The following C19orf47 variants were observed in gnomAD, a reference collection of about 807,000 sequenced individuals.
C19orf47 encodes chromosome 19 open reading frame 47, also known as uncharacterized protein C19orf47.
A neutral mutation model predicts 32.3 loss-of-function variants in C19orf47; 18 were observed. The ratio of observed to expected loss-of-function variants is 0.56; its 90% CI spans 0.39 to 0.83. The LOEUF (loss-of-function observed/expected upper bound fraction) is 0.83, where lower values mean the gene tolerates loss of function less well. Among genes scored for constraint, C19orf47 ranks in the 40% least tolerant of loss-of-function variants. The pLI is 0.00. For missense variants in C19orf47, 484 were observed against 531.6 expected (o/e 0.91, Z 0.88); for synonymous variants, 202 against 211.1 (o/e 0.96, Z 0.37).
chr19:40,341,708 G>T, intron 2 of C19orf47, 131 bp downstream of exon 2: 1 of 1,328,822 alleles, frequency 7.5e-7, no homozygotes, highest in Non-Finnish European at 1.0e-6. Flanking sequence ...ACCCTGCCAC[G>T]GTCCTCAGAG....
At position 40,333,885 on chromosome 19, in the gene C19orf47, G is replaced by T. The variant is rs374541577; in HGVS notation, c.267C>A (p.Ser89Arg). 3.7e-5 allele frequency: 58 copies of T among 1,580,480 alleles called. No individual in the cohort carries two copies. Among genetic ancestry groups the T allele is most frequent in the Non-Finnish European group, 4.8e-5 (56 of 1,161,836 alleles). ...AATESVPCSP[S>R]PLAGEIRRGT... Reference sequence around the variant, plus strand: ...CACGGCGAATTTCGCCTGCAAGGGGGCTAGGGCTGCAGGGTACTGACTCAG... The same window carrying T: ...CACGGCGAATTTCGCCTGCAAGGGGTCTAGGGCTGCAGGGTACTGACTCAG... Residue 89 changes from serine (S) to arginine (R), a missense_variant, in exon 5 of 9, where the codon AGC becomes AGA. By Grantham distance (110) the Ser-to-Arg change is moderately radical. Transcript: ENST00000683109.
At chr19:40,345,536 TAAAAA>T (rs55954294) in intron 1 of C19orf47, among the ~76,000 whole-genome samples, 16,229 of 110,798 alleles carry the variant, frequency 0.15, 1,145 homozygotes, top group African/African-American at 0.15. Flanking sequence ...CTGTCACTGT[TAAAAA>T]AAAAAAAAAA....
At chr19:40,309,686 CAA>C in the C19orf47 span, among the ~76,000 whole-genome samples, 68 of 136,568 alleles carry the variant, frequency 5.0e-4, no homozygotes, top group African/African-American at 5.2e-4. Context: ...GACCTTATCT[CAA>C]AAAAAAAAAA....
At chr19:40,300,280 C>A in the C19orf47 span, among the ~76,000 whole-genome samples, 1 of 151,802 alleles carries the variant, frequency 6.6e-6, no homozygotes, top group African/African-American at 2.4e-5. Flanking sequence ...GCCTAGCCAA[C>A]ACAATGAAAC....
chr19:40,316,080 CA>C (rs1346759781), downstream of C19orf47, among the ~76,000 whole-genome samples: 1 of 152,084 alleles, frequency 6.6e-6, no homozygotes, highest in East Asian at 1.9e-4. Flanking sequence ...AGGACCCCGA[CA>C]GGCCTTCAAA....
At chr19:40,314,109 G>C in the C19orf47 span, among the ~76,000 whole-genome samples, 2 of 152,060 alleles carry the variant, frequency 1.3e-5, no homozygotes, top group Admixed American at 6.6e-5. Context: ...AGCATCTCTA[G>C]AGCCTGAAAG....
the C19orf47 span, among the ~76,000 whole-genome samples, chr19:40,298,316 A>G: frequency 1.6e-4 from 25 of 151,850 alleles, no homozygotes; most frequent in East Asian, 9.6e-4. Flanking sequence ...AAAAAAAAAA[A>G]AAAGAAAAAA....
At chr19:40,326,195 T>C in intron 7 of C19orf47, 139 bp downstream of exon 7, 9 of 1,195,924 alleles carry the variant, frequency 7.5e-6, no homozygotes, top group Non-Finnish European at 1.0e-5. Context: ...CCACCATCAC[T>C]GTCCCCTTGG....
At chr19:40,335,899 G>A (rs533628105) in intron 4 of C19orf47, among the ~76,000 whole-genome samples, 34 of 152,284 alleles carry the variant, frequency 2.2e-4, no homozygotes, top group Middle Eastern at 6.8e-3. Flanking sequence ...GTGAGCCACC[G>A]CACCCGGCCA....
At chr19:40,313,481 C>T in the C19orf47 span, among the ~76,000 whole-genome samples, 3 of 152,166 alleles carry the variant, frequency 2.0e-5, no homozygotes, top group Non-Finnish European at 2.9e-5. Context: ...TGCGCCACCA[C>T]GCCGAGCTAA....
At position 40,322,339 on chromosome 19, in the gene C19orf47, T is replaced by C. The variant is rs1413069894; in HGVS notation, c.701A>G (p.Glu234Gly). ...GTCCCAAGCCAGATCCTCGTCCGTT[T>C]CTGGGGTGGCCCCCAGGCGGCTGAA... ...GVFSRLGATP[E>G]TDEDLAWDSD... Residue 234 changes from glutamate to glycine, a missense_variant, in exon 9 of 9, where the codon GAA becomes GGA. Glu to Gly is a moderately conservative substitution (Grantham distance 98, BLOSUM62 -2). Transcript: ENST00000683109. The C allele has an allele frequency of 6.3e-7, 1 of 1,599,934 alleles. No homozygotes were observed. Among genetic ancestry groups the C allele is most frequent in the Non-Finnish European group, 8.5e-7 (1 of 1,171,468 alleles).
At chr19:40,322,493 A>G in intron 8 of C19orf47, 117 bp from the exon 9 acceptor site, 2 of 1,244,908 alleles carry the variant, frequency 1.6e-6, no homozygotes, top group Non-Finnish European at 2.2e-6. Context: ...AACACCCATC[A>G]CTGACACCCC....
At chr19:40,316,007 AAAAG>A (rs1049411106), downstream of C19orf47, among the ~76,000 whole-genome samples, 28 of 152,190 alleles carry the variant, frequency 1.8e-4, no homozygotes, top group Non-Finnish European at 3.7e-4. Flanking sequence ...TACAAAAAAA[AAAAG>A]AGAGAGAGAG....
At chr19:40,333,792 C>T (rs1433282313) in intron 5 of C19orf47, 59 bp downstream of exon 5, 1 of 1,370,104 alleles carries the variant, frequency 7.3e-7, no homozygotes. Context: ...CCAGACGTGT[C>T]CCCTTCACTG....
At chr19:40,346,501 A>C (rs1328206959) in intron 1 of C19orf47, among the ~76,000 whole-genome samples, 1 of 147,922 alleles carries the variant, frequency 6.8e-6, no homozygotes, top group African/African-American at 2.5e-5. Flanking sequence ...AAAATAAAAA[A>C]ACACCATCTT....
the C19orf47 span, among the ~76,000 whole-genome samples, chr19:40,300,870 G>A: frequency 0.012 from 1,895 of 152,246 alleles, 38 homozygotes; most frequent in African/African-American, 0.041. Context: ...CTGCTGACTC[G>A]ACTAGGTGTG....
chr19:40,341,671 G>A (rs1391783068), intron 2 of C19orf47, 168 bp downstream of exon 2: 11 of 909,322 alleles, frequency 1.2e-5, no homozygotes, highest in Admixed American at 2.7e-5. Context: ...GTGATGAGGC[G>A]GGCAGGCCTC....
chr19:40,330,194 T>A (rs1195310792), intron 5 of C19orf47, among the ~76,000 whole-genome samples: 2 of 152,038 alleles, frequency 1.3e-5, no homozygotes, highest in Non-Finnish European at 2.9e-5. Flanking sequence ...CCCCTTCTCT[T>A]TTTATTTATT....
the C19orf47 span, among the ~76,000 whole-genome samples, chr19:40,307,805 C>CT: frequency 1.5e-3 from 218 of 144,868 alleles, no homozygotes; most frequent in African/African-American, 3.4e-3. Context: ...GGTTTTGTGG[C>CT]TTTTTTTTTT....
Sources: gnomAD v4.1 joint callset for allele counts (sites outside exome capture counted in the v4.1 genomes callset) on GRCh38, gnomAD v4.1.1 for gene constraint, MANE v1.5 for transcripts, NCBI Gene and HGNC (gene_info 2026-07-23, HGNC 2026-07-21) for gene names.